MACF1: variants seen among roughly 807,000 people sequenced by gnomAD.
The protein encoded by MACF1 is microtubule-actin cross-linking factor 1.
A neutral mutation model predicts 854.8 loss-of-function variants in MACF1; 193 were observed. That is an observed-to-expected ratio of 0.23 (90% CI 0.20 to 0.25). The LOEUF is 0.25. Ranked by LOEUF, MACF1 falls within the 10% of genes least tolerant of loss-of-function variation. The probability of loss-of-function intolerance (pLI) is 1.00; values close to 1 mark genes in which losing one functional copy is unlikely to be tolerated. For synonymous variants in MACF1, 3,185 were observed against 3,226.7 expected, an observed-to-expected ratio of 0.99 and a Z score of 0.44; for missense variants, 7,722 against 8,929.1, an observed-to-expected ratio of 0.86 and a Z score of 5.45.
chr1:39,353,370 G>A (rs1557604918), intron 44 of MACF1, 139 bp downstream of exon 44: 1 of 603,886 alleles, frequency 1.7e-6, no homozygotes, highest in Non-Finnish European at 2.9e-6. Context: ...CTTTGACACT[G>A]TTGGCCACTC....
chr1:39,374,466 T>G (rs981421232), intron 52 of MACF1, among the ~76,000 whole-genome samples: 1 of 152,240 alleles, frequency 6.6e-6, no homozygotes, highest in Non-Finnish European at 1.5e-5. Flanking sequence ...TTTCAGGGAA[T>G]TGGTGATATA....
chr1:39,255,381 G>A (rs140079738), intron 5 of MACF1, among the ~76,000 whole-genome samples: 1 of 152,322 alleles, frequency 6.6e-6, no homozygotes, highest in African/African-American at 2.4e-5. Context: ...GAAAGAAGAT[G>A]GATGAGGGAG....
At chr1:39,128,572 G>A (rs976367763) in intron 2 of MACF1, among the ~76,000 whole-genome samples, 2 of 152,102 alleles carry the variant, frequency 1.3e-5, no homozygotes, top group Non-Finnish European at 1.5e-5. Flanking sequence ...GGTGGCGGGC[G>A]CCTGTAGTCC....
chr1:39,334,265 A>G lies in MACF1; in HGVS notation c.7677A>G (p.Lys2559=), dbSNP rs1205914512. 6.2e-7 allele frequency: 1 copy of G among 1,613,910 alleles called. No individual in the cohort carries two copies. The highest frequency in any genetic ancestry group is 1.3e-5 in the African/African-American group (1 of 74,876). ...CGAAGGAAAATATTTCCCTCCCTAAAGCCATAAAATTAGATCTTATTACCT... is the reference window on the plus strand; with the variant it reads ...CGAAGGAAAATATTTCCCTCCCTAAGGCCATAAAATTAGATCTTATTACCT... ...PETKENISLP[K]AIKLDLITSD... is the part of the protein sequence containing the mutation. Residue 2559 remains lysine (K), a synonymous_variant, in exon 37 of 101, where the codon AAA becomes AAG. Coordinates refer to ENST00000564288, the MANE Select transcript of MACF1 (RefSeq NM_001394062.1).
rs190988928 is a variant in MACF1, at chr1:39,174,694, G to A, written c.221-56488G>A. Among the ~76,000 whole-genome samples the A allele has an allele frequency of 2.4e-4, 36 of 152,320 alleles. 1 individual carries two copies. Among genetic ancestry groups the A allele is most frequent in the Admixed American group, 8.5e-4 (13 of 15,296 alleles). On this transcript the variant is annotated intron_variant, in intron 2 of 93. Transcript: ENST00000361689. ...GGCGAGGGTTGGGTTGTGTACTTTCGTAGTCTTTGTCTGAGAGTAGTGATG... is the reference window on the plus strand; with the variant it reads ...GGCGAGGGTTGGGTTGTGTACTTTCATAGTCTTTGTCTGAGAGTAGTGATG...
At position 39,285,632 on chromosome 1, in the gene MACF1, C is replaced by T. The variant is rs138060421; in HGVS notation, c.1382C>T (p.Pro461Leu). Residue 461 changes from proline to leucine, a missense_variant, in exon 14 of 101, where the codon CCG (proline) becomes CTG (leucine). Pro to Leu is a moderately conservative substitution (Grantham distance 98, BLOSUM62 -3). Transcript: ENST00000564288. ...GCTGCTCACCTGGAATCAGGACAAC[C>T]GGTACAATGTGAGTCAGATGTCATT... ...ADAAHLESGQ[P>L]VQCESDVIMY... 2.3e-5 allele frequency: 37 copies of T among 1,613,896 alleles called. No individual in the cohort carries two copies. The highest frequency in any genetic ancestry group is 6.6e-5 in the South Asian group (6 of 91,066).
chr1:39,333,615 TC>T lies in MACF1; in HGVS notation c.7028del (p.Ser2343PhefsTer2), dbSNP rs1646764267. The stretch of plus-strand genomic sequence containing the variant: ...GTTCTTTGACTCTCAGACTTGTGAG[TC>T]TTTGACAACTGAAGAAGTCATTAAT... Reference protein sequence around the residue: ...QGFFDSQTCESLTTEEVINEG... With the variant: ...QGFFDSQTCEXLTTEEVINEG... On this transcript the variant is annotated frameshift_variant, in exon 37 of 101. Transcript: ENST00000564288. LOFTEE classifies it high-confidence loss of function. The T allele has an allele frequency of 1.2e-6, 2 of 1,614,158 alleles. No individual in the cohort carries two copies. The highest frequency in any genetic ancestry group is 4.5e-5 in the East Asian group (2 of 44,880).
Position 39,469,574 on chromosome 1 carries a change from GCT to G in MACF1, c.21920_21921del (p.Ser7307Ter). 1 of 1,550,492 alleles carries G rather than the reference GCT, an allele frequency of 6.4e-7. No individual in the cohort carries two copies. ...CACCATCCTGGGAGTAAAATAAAGC[GCT>G]CTGATTCCAGCTCTTCGATTTCCAG... On this transcript the variant is annotated frameshift_variant, in exon 97 of 101. Coordinates refer to ENST00000564288, the MANE Select transcript of MACF1 (RefSeq NM_001394062.1). LOFTEE classifies it high-confidence loss of function.
Position 39,357,510 on chromosome 1 carries a change from C to T in MACF1, c.11560C>T (p.Leu3854=). 2.5e-6 allele frequency: 4 copies of T among 1,614,096 alleles called. No individual in the cohort carries two copies. The highest frequency in any genetic ancestry group is 3.4e-6 in the Non-Finnish European group (4 of 1,180,030). The change falls in exon 45 of 101, where the codon CTA becomes TTA. Residue 3854 remains leucine (L), a synonymous_variant. Transcript: ENST00000564288. The part of the protein sequence containing the change: ...QQMLQQKLGE[L]KEQYSTSLAQ... The stretch of plus-strand genomic sequence containing the variant: ...GATGCTGCAACAGAAGCTGGGAGAG[C>T]TAAAGGAACAATACTCTACTTCCCT...
chr1:39,280,541 A>G (rs191841115), intron 6 of MACF1, among the ~76,000 whole-genome samples: 44 of 152,200 alleles, frequency 2.9e-4, no homozygotes, highest in Non-Finnish European at 4.7e-4. Context: ...AATATATGAA[A>G]TAATAGTCCA....
intron 6 of MACF1, chr1:39,268,953 G>A (rs1645270055): frequency 7.8e-7 from 1 of 1,286,788 alleles, no homozygotes; most frequent in African/African-American, 1.5e-5. Flanking sequence ...TACCCCCCCA[G>A]ATATTTTGCT....
chr1:39,169,757 C>G (rs1382140815), intron 2 of MACF1, among the ~76,000 whole-genome samples: 1 of 135,260 alleles, frequency 7.4e-6, no homozygotes, highest in African/African-American at 2.8e-5. Context: ...TCTCCTTGCC[C>G]TTTCTTTCTT....
intron 6 of MACF1, among the ~76,000 whole-genome samples, chr1:39,279,039 A>G (rs998909815): frequency 2.0e-5 from 3 of 152,242 alleles, no homozygotes; most frequent in Admixed American, 2.0e-4. Context: ...CTATATGGGA[A>G]GCAAATAATA....
intron 46 of MACF1, 48 bp downstream of exon 46, chr1:39,358,921 A>G (rs2148514131): frequency 1.3e-6 from 2 of 1,555,652 alleles, no homozygotes; most frequent in Non-Finnish European, 8.7e-7. Context: ...CTTGTATTCC[A>G]TGGCGTAAAG....
chr1:39,286,826 C>G (rs1265686347), intron 14 of MACF1, among the ~76,000 whole-genome samples: 1 of 152,162 alleles, frequency 6.6e-6, no homozygotes, highest in Non-Finnish European at 1.5e-5. Context: ...GTTAGCTTCC[C>G]TCCAGTTAAC....
chr1:39,193,500 T>C (rs1477385106), intron 2 of MACF1, among the ~76,000 whole-genome samples: 3 of 152,162 alleles, frequency 2.0e-5, no homozygotes, highest in African/African-American at 4.8e-5. Flanking sequence ...TGCTAGGAGG[T>C]CTCTTGTGTG....
intron 56 of MACF1, among the ~76,000 whole-genome samples, chr1:39,384,170 T>C (rs1650491541): frequency 6.6e-6 from 1 of 152,134 alleles, no homozygotes; most frequent in Non-Finnish European, 1.5e-5. Flanking sequence ...TATTGTCACA[T>C]CTAGGGAGCC....
intron 49 of MACF1, among the ~76,000 whole-genome samples, chr1:39,365,146 A>G (rs1648583025): frequency 6.6e-6 from 1 of 151,748 alleles, no homozygotes; most frequent in Non-Finnish European, 1.5e-5. Flanking sequence ...GCACGATCTC[A>G]GCTCACTGCA....
intron 61 of MACF1, among the ~76,000 whole-genome samples, chr1:39,424,729 A>G (rs775421955): frequency 4.9e-4 from 74 of 152,224 alleles, no homozygotes; most frequent in Non-Finnish European, 8.5e-4. Context: ...CTTCAAGGAA[A>G]TATTCCCTTT....
Sources: allele counts gnomAD v4.1 joint callset (sites outside exome capture counted in the v4.1 genomes callset), GRCh38; gene constraint gnomAD v4.1.1; transcripts MANE v1.5; gene names NCBI Gene and HGNC (gene_info 2026-07-23, HGNC 2026-07-21).